MAP2K5: variants seen among roughly 807,000 people sequenced by gnomAD.
The protein encoded by MAP2K5 is dual specificity mitogen-activated protein kinase kinase 5.
A neutral mutation model predicts 83.1 loss-of-function variants in MAP2K5; 49 were observed. That is an observed-to-expected ratio of 0.59 (90% CI 0.47 to 0.75). The LOEUF is 0.75. Among genes scored for constraint, MAP2K5 ranks in the 30% least tolerant of loss-of-function variants. The probability of loss-of-function intolerance (pLI) is 0.00; values close to 1 mark genes in which losing one functional copy is unlikely to be tolerated. For missense variants in MAP2K5, 457 were observed against 557.5 expected (o/e 0.82, Z 1.82); for synonymous variants, 202 against 191.8 (o/e 1.05, Z -0.44).
intron 1 of MAP2K5, among the ~76,000 whole-genome samples, chr15:67,546,835 TG>T (rs1209305363): frequency 2.0e-5 from 3 of 151,838 alleles, no homozygotes; most frequent in Non-Finnish European, 4.4e-5. Context: ...GAGGCCGAGG[TG>T]GGTAGATCGC....
rs529420929 is a variant in MAP2K5, at chr15:67,591,179, C to T, written c.432-1747C>T. ...GGCCAACATGGTGAAACCCTGTCTT[C>T]GCTAAAAATACAAAAATTAGCCAGG... is the stretch of plus-strand genomic sequence containing the variant. On this transcript the variant is annotated intron_variant, in intron 6 of 21. Coordinates refer to ENST00000178640, the MANE Select transcript of MAP2K5 (RefSeq NM_145160.3). Among the ~76,000 whole-genome samples the T allele has an allele frequency of 3.3e-5, 5 of 151,658 alleles. No individual in the cohort carries two copies. The East Asian group carries it at 8.0e-4, about 24-fold the overall frequency.
chr15:67,788,955 G>A (rs992662529), intron 21 of MAP2K5, among the ~76,000 whole-genome samples: 4 of 136,420 alleles, frequency 2.9e-5, no homozygotes, highest in African/African-American at 8.4e-5. Context: ...ATGGGTGACA[G>A]AGAGAGACCC....
intron 9 of MAP2K5, among the ~76,000 whole-genome samples, chr15:67,645,373 G>A (rs952201521): frequency 6.6e-6 from 1 of 151,888 alleles, no homozygotes; most frequent in Non-Finnish European, 1.5e-5. Flanking sequence ...AGCTACTTGG[G>A]TGGCTGAGGT....
chr15:67,644,066 T>C lies in MAP2K5; in HGVS notation c.586-2165T>C, dbSNP rs1312299000. ...TCTGCCACAAATCATAAAAATTGTT[T>C]TCCACCTATTCTATTCTCATCACTG... On this transcript the variant is annotated intron_variant, in intron 9 of 21. Coordinates refer to ENST00000178640, the MANE Select transcript of MAP2K5 (RefSeq NM_145160.3). This position sits in a 1 kb window ranked among gnomAD's most constrained non-coding sequence, Gnocchi z 4.6. 6.6e-6 allele frequency among the ~76,000 whole-genome samples: 1 copy of C among 152,212 alleles called. No homozygotes were observed. The highest frequency in any genetic ancestry group is 1.5e-5 in the Non-Finnish European group (1 of 68,040).
chr15:67,692,742 A>T (rs1483630770), intron 14 of MAP2K5, among the ~76,000 whole-genome samples, 190 bp downstream of exon 14: 2 of 152,148 alleles, frequency 1.3e-5, no homozygotes, highest in Non-Finnish European at 2.9e-5. Flanking sequence ...ATGATTGTTC[A>T]TTGTTTAATG....
chr15:67,664,715 T>A, intron 13 of MAP2K5, 70 bp downstream of exon 13: 1 of 970,022 alleles, frequency 1.0e-6, no homozygotes, highest in Non-Finnish European at 1.6e-6. Flanking sequence ...ACCTTGATTT[T>A]TAAAGTAAGT....
intron 21 of MAP2K5, among the ~76,000 whole-genome samples, chr15:67,788,558 T>TA (rs1452863453): frequency 6.6e-6 from 1 of 152,224 alleles, no homozygotes; most frequent in African/African-American, 2.4e-5. Context: ...ACTGTTTTTG[T>TA]AAAAAGGCAA....
chr15:67,745,662 C>G lies in MAP2K5; in HGVS notation c.1075-2569C>G, dbSNP rs192686164. On this transcript the variant is annotated intron_variant, in intron 17 of 21. Coordinates refer to ENST00000178640, the MANE Select transcript of MAP2K5 (RefSeq NM_145160.3). Reference sequence around the variant, plus strand: ...GAATTAACAGAGGAACATAATACAGCCTTTATGGCAATATATCTGAGACAG... The same window carrying G: ...GAATTAACAGAGGAACATAATACAGGCTTTATGGCAATATATCTGAGACAG... 8.9e-4 allele frequency among the ~76,000 whole-genome samples: 135 copies of G among 152,224 alleles called. 1 individual carries two copies. Among genetic ancestry groups the G allele is most frequent in the Middle Eastern group, 6.8e-3 (2 of 294 alleles).
chr15:67,558,189 A>G (rs778616640), intron 2 of MAP2K5, among the ~76,000 whole-genome samples: 4 of 152,186 alleles, frequency 2.6e-5, no homozygotes, highest in African/African-American at 9.7e-5. Flanking sequence ...TGGACAGTGC[A>G]GCTTATTTTT....
intron 21 of MAP2K5, among the ~76,000 whole-genome samples, chr15:67,798,771 G>A (rs2090650674): frequency 6.6e-6 from 1 of 152,176 alleles, no homozygotes; most frequent in Non-Finnish European, 1.5e-5. Flanking sequence ...CAGGAAGGTT[G>A]ATTGAAATGA....
intron 21 of MAP2K5, 128 bp downstream of exon 21, chr15:67,772,880 T>C: frequency 1.6e-6 from 1 of 621,644 alleles, no homozygotes; most frequent in East Asian, 3.1e-5. Context: ...TTTACTTCAT[T>C]TGGGTAGATG....
In MAP2K5 at chr15:67,806,629, C is replaced by T. The variant is rs1374322082; in HGVS notation, c.1243-17C>T. ...GTCCGAGGACTGCCTGTCACAGCCT[C>T]CTCCTCTTCCCCGCAGGGCCACCCG... On this transcript the variant is annotated splice_polypyrimidine_tract_variant and intron_variant, in intron 21 of 21. Transcript: ENST00000178640. 1.4e-5 allele frequency: 21 copies of T among 1,547,280 alleles called. No homozygotes were observed. The highest frequency in any genetic ancestry group is 1.8e-5 in the Non-Finnish European group (21 of 1,145,670).
At chr15:67,672,263 G>A (rs1247190794) in intron 13 of MAP2K5, among the ~76,000 whole-genome samples, 6 of 151,166 alleles carry the variant, frequency 4.0e-5, no homozygotes, top group Non-Finnish European at 7.4e-5. Flanking sequence ...GGTTGAACTA[G>A]TTTACAGTCC....
chr15:67,702,979 C>G lies in MAP2K5; in HGVS notation c.973-358C>G, dbSNP rs2088459758. On this transcript the variant is annotated intron_variant, in intron 15 of 21. Coordinates refer to ENST00000178640, the MANE Select transcript of MAP2K5 (RefSeq NM_145160.3). The surrounding 1 kb of genome is among the most constrained non-coding windows in gnomAD (Gnocchi z 4.6). Reference sequence around the variant, plus strand: ...ATTTGTTACTCCACAACAAAGACCACTGGATTTGGAGGGAGAGGATCTGGG... The same window carrying G: ...ATTTGTTACTCCACAACAAAGACCAGTGGATTTGGAGGGAGAGGATCTGGG... Among the ~76,000 whole-genome samples the G allele has an allele frequency of 6.6e-6, 1 of 152,156 alleles. No individual in the cohort carries two copies. Among genetic ancestry groups the G allele is most frequent in the Admixed American group, 6.6e-5 (1 of 15,266 alleles).
In MAP2K5 at chr15:67,717,933, T is replaced by C. The variant is rs1044580386; in HGVS notation, c.1045-9983T>C. Reference sequence around the variant, plus strand: ...TGTTGATCACAGTGTAGGTTCTTGATGATGAAACAACAGGGTCACATTCCA... The same window carrying C: ...TGTTGATCACAGTGTAGGTTCTTGACGATGAAACAACAGGGTCACATTCCA... On this transcript the variant is annotated intron_variant, in intron 16 of 21. Coordinates refer to ENST00000178640, the MANE Select transcript of MAP2K5 (RefSeq NM_145160.3). The surrounding 1 kb of genome is among the most constrained non-coding windows in gnomAD (Gnocchi z 4.1). The C allele has an allele frequency of 2.0e-5, 3 of 152,250 alleles. No homozygotes were observed. The highest frequency in any genetic ancestry group is 2.9e-5 in the Non-Finnish European group (2 of 68,060). The allele number at this position is 152,250 out of a possible 1,614,324, so 9.4% of individuals were successfully genotyped here.
intron 8 of MAP2K5, among the ~76,000 whole-genome samples, chr15:67,630,264 A>C (rs546075007): frequency 6.6e-6 from 1 of 152,306 alleles, no homozygotes; most frequent in Non-Finnish European, 1.5e-5. Flanking sequence ...AGATAAACAC[A>C]AAAGGTCTTG....
rs1238261590 is a variant in MAP2K5, at chr15:67,543,115, C to G, written c.-221C>G. 1 of 578,230 alleles carries G rather than the reference C, an allele frequency of 1.7e-6. No individual in the cohort carries two copies. The highest frequency in any genetic ancestry group is 3.1e-6 in the Non-Finnish European group (1 of 322,848). 35.8% of individuals were successfully genotyped at this position (578,230 alleles called of 1,614,324 possible). ...CTTTGCCCGCTTCCCGGTGCACCCT[C>G]CCCGGGAGACACCTCAGACCCCCGA... On this transcript the variant is annotated 5_prime_UTR_variant, in exon 1 of 22. Coordinates refer to ENST00000178640, the MANE Select transcript of MAP2K5 (RefSeq NM_145160.3). The surrounding 1 kb of genome is among the most constrained non-coding windows in gnomAD (Gnocchi z 4.3).
At chr15:67,762,416 G>A (rs975446418) in intron 19 of MAP2K5, among the ~76,000 whole-genome samples, 1 of 152,076 alleles carries the variant, frequency 6.6e-6, no homozygotes, top group Non-Finnish European at 1.5e-5. Context: ...ATTGGCTTTG[G>A]AAAGGAAGCA....
chr15:67,616,816 T>G (rs930096623), intron 8 of MAP2K5, among the ~76,000 whole-genome samples: 1 of 152,200 alleles, frequency 6.6e-6, no homozygotes, highest in Non-Finnish European at 1.5e-5. Context: ...TTTCACTATT[T>G]TAGTGACTGG....
Sources: gnomAD v4.1 joint callset for allele counts (sites outside exome capture counted in the v4.1 genomes callset) on GRCh38, gnomAD v4.1.1 for gene constraint, Gnocchi (gnomAD v3.1) non-coding constraint, MANE v1.5 for transcripts, NCBI Gene and HGNC (gene_info 2026-07-23, HGNC 2026-07-21) for gene names.